Variants in NEGR1 observed in about 807,000 individuals in gnomAD.
NEGR1 encodes the protein neuronal growth regulator 1.
NEGR1 carries 10 observed loss-of-function variants against 40.9 expected under a neutral mutation model. The ratio of observed to expected loss-of-function variants is 0.24; its 90% CI spans 0.15 to 0.42. The LOEUF is 0.42. Among genes scored for constraint, NEGR1 ranks in the 10% least tolerant of loss-of-function variants. NEGR1 has a pLI of 1.00. For missense variants in NEGR1, 352 were observed against 438.9 expected (o/e 0.80, Z 1.77); for synonymous variants, 185 against 166.8 (o/e 1.11, Z -0.84).
intron 2 of NEGR1, among the ~76,000 whole-genome samples, chr1:71,863,547 A>AGTTT (rs1660017001): frequency 1.3e-5 from 2 of 152,190 alleles, no homozygotes; most frequent in South Asian, 4.1e-4. Flanking sequence ...ACCATGGCAC[A>AGTTT]TGTTTACCTA....
chr1:72,160,001 C>A (rs975488683), intron 1 of NEGR1, among the ~76,000 whole-genome samples: 3 of 152,082 alleles, frequency 2.0e-5, no homozygotes, highest in Non-Finnish European at 4.4e-5. Context: ...TTGGTTCATT[C>A]CATATATATT....
intron 1 of NEGR1, among the ~76,000 whole-genome samples, chr1:72,070,857 TAA>T (rs1246912785): frequency 6.6e-6 from 1 of 152,084 alleles, no homozygotes; most frequent in Admixed American, 6.6e-5. Context: ...TTTCAAAAAT[TAA>T]GTTATATTGG....
chr1:72,245,285 A>G (rs1654867646), intron 1 of NEGR1, among the ~76,000 whole-genome samples: 1 of 152,098 alleles, frequency 6.6e-6, no homozygotes, highest in Non-Finnish European at 1.5e-5. Context: ...TTGAGACATT[A>G]TTAGACTAAA....
intron 1 of NEGR1, among the ~76,000 whole-genome samples, chr1:72,269,672 A>G (rs1655777086): frequency 6.6e-6 from 1 of 151,690 alleles, no homozygotes; most frequent in South Asian, 2.1e-4. Context: ...CCTAACTCTA[A>G]GTGATGTTCA....
At chr1:71,454,396 A>C (rs557762109) in intron 6 of NEGR1, among the ~76,000 whole-genome samples, 1 of 152,062 alleles carries the variant, frequency 6.6e-6, no homozygotes, top group Non-Finnish European at 1.5e-5. Flanking sequence ...GATGTCAATA[A>C]TATCTCCCAC....
At chr1:71,577,275 A>G (rs145539771) in intron 6 of NEGR1, among the ~76,000 whole-genome samples, 1 of 152,344 alleles carries the variant, frequency 6.6e-6, no homozygotes, top group African/African-American at 2.4e-5. Flanking sequence ...TAGATGAAAT[A>G]ATTTGCTTTT....
At position 71,939,126 on chromosome 1, in the gene NEGR1, A is replaced by T. The variant is rs1307252654; in HGVS notation, c.177-3815T>A. Among the ~76,000 whole-genome samples, 4 of 152,118 alleles carry T rather than the reference A, an allele frequency of 2.6e-5. No homozygotes were observed. The East Asian group carries it at 7.7e-4, about 29-fold the overall frequency. ...TAGCTGTGCTTCCAACAAGTCAGGC[A>T]TTCTCTTGCCTCAGTTAGTTTGTAT... On this transcript the variant is annotated intron_variant, in intron 1 of 6. Transcript: ENST00000357731.
intron 2 of NEGR1, among the ~76,000 whole-genome samples, chr1:71,857,514 G>C (rs921121721): frequency 1.4e-5 from 2 of 143,958 alleles, no homozygotes; most frequent in African/African-American, 5.2e-5. Flanking sequence ...TATAGTCCCA[G>C]CTACTTGAGG....
At chr1:71,584,466 A>C (rs747538704) in intron 6 of NEGR1, among the ~76,000 whole-genome samples, 20 of 152,192 alleles carry the variant, frequency 1.3e-4, no homozygotes, top group Non-Finnish European at 2.5e-4. Context: ...AAGTTTAATC[A>C]TAATGATACT....
At chr1:71,513,724 GGAACAGCTCCGGT>G (rs890408859) in intron 6 of NEGR1, among the ~76,000 whole-genome samples, 32 of 152,322 alleles carry the variant, frequency 2.1e-4, no homozygotes, top group African/African-American at 6.0e-4. Context: ...TGGCCGAATA[GGAACAGCTCCGGT>G]GAACAGCTCC....
chr1:71,787,888 A>G (rs1656968841), intron 2 of NEGR1, among the ~76,000 whole-genome samples: 2 of 152,162 alleles, frequency 1.3e-5, no homozygotes, highest in Non-Finnish European at 2.9e-5. Flanking sequence ...CCATTTTCAC[A>G]TTACGTTGTT....
rs1010699684 is a variant in NEGR1 at position 71,406,321 on chromosome 1, C to T, written c.*1125G>A. 1 of 151,806 alleles carries T rather than the reference C, an allele frequency of 6.6e-6. No individual in the cohort carries two copies. Among genetic ancestry groups the T allele is most frequent in the Non-Finnish European group, 1.5e-5 (1 of 67,840 alleles). The allele number at this position is 151,806 out of a possible 1,614,324, so 9.4% of individuals were successfully genotyped here. On this transcript the variant is annotated 3_prime_UTR_variant, in exon 7 of 7. Coordinates refer to ENST00000357731, the MANE Select transcript of NEGR1 (RefSeq NM_173808.3). The stretch of plus-strand genomic sequence containing the variant: ...TCAGATGGAAAATATGCAAAATGCT[C>T]CTGTCCACAGGAGCACTGCCTCTGT...
intron 1 of NEGR1, among the ~76,000 whole-genome samples, chr1:72,129,544 G>A (rs757058748): frequency 5.9e-5 from 9 of 152,100 alleles, no homozygotes; most frequent in Non-Finnish European, 8.8e-5. Flanking sequence ...GTTTTTGGGC[G>A]AACAAGCTAC....
intron 1 of NEGR1, among the ~76,000 whole-genome samples, chr1:72,219,120 T>C (rs1192028041): frequency 6.6e-6 from 1 of 152,092 alleles, no homozygotes; most frequent in Non-Finnish European, 1.5e-5. Context: ...TCTTACACCA[T>C]GATGGCCTTG....
intron 2 of NEGR1, among the ~76,000 whole-genome samples, chr1:71,778,833 A>G (rs1452542798): frequency 1.3e-5 from 2 of 152,206 alleles, no homozygotes; most frequent in African/African-American, 4.8e-5. Flanking sequence ...ACACATCTAC[A>G]TATATTTAAA....
chr1:71,979,935 A>G (rs1646340006), intron 1 of NEGR1, among the ~76,000 whole-genome samples: 1 of 152,202 alleles, frequency 6.6e-6, no homozygotes. Context: ...TGCCTGCCCA[A>G]TAGTGGATAA....
rs185546212 is a variant in NEGR1 at position 71,734,659 on chromosome 1, C to T, written c.536-36520G>A. ...CTTTCTTTTTCTCCTTATTGCCACA[C>T]TTCCTTAAAGACTAGTCTCCCTCAT... On this transcript the variant is annotated intron_variant, in intron 3 of 6. Coordinates refer to ENST00000357731, the MANE Select transcript of NEGR1 (RefSeq NM_173808.3). Among the ~76,000 whole-genome samples, 36 of 152,160 alleles carry T rather than the reference C, an allele frequency of 2.4e-4. No individual in the cohort carries two copies. In the East Asian group the frequency reaches 2.9e-3, roughly 12 times the overall value.
At chr1:71,778,017 C>A (rs1276891052) in intron 2 of NEGR1, among the ~76,000 whole-genome samples, 1 of 151,796 alleles carries the variant, frequency 6.6e-6, no homozygotes, top group Non-Finnish European at 1.5e-5. Flanking sequence ...CATTAAATTA[C>A]CCTAGAAGGA....
chr1:71,907,673 T>C (rs1171468010), intron 2 of NEGR1, among the ~76,000 whole-genome samples: 1 of 152,096 alleles, frequency 6.6e-6, no homozygotes, highest in African/African-American at 2.4e-5. Flanking sequence ...AGAAAATAAA[T>C]TGTTGTACCA....
Sources: allele counts gnomAD v4.1 joint callset (sites outside exome capture counted in the v4.1 genomes callset), GRCh38; gene constraint gnomAD v4.1.1; transcripts MANE v1.5; gene names NCBI Gene and HGNC (gene_info 2026-07-23, HGNC 2026-07-21).